Variants in QSER1 observed in about 807,000 individuals in gnomAD.
The protein encoded by QSER1 is glutamine and serine rich 1, also known as glutamine and serine-rich protein 1.
Under a neutral mutation model 158.5 loss-of-function variants are expected in QSER1, and 49 were observed. The ratio of observed to expected loss-of-function variants is 0.31; its 90% CI spans 0.25 to 0.39. The LOEUF is 0.39. QSER1 is among the 10% of genes least tolerant of loss of function. The pLI, the probability that QSER1 is intolerant of heterozygous loss-of-function variation, is 1.00. For synonymous variants in QSER1, 650 were observed against 715.5 expected (o/e 0.91, Z 1.46); for missense variants, 1,754 against 2,010.3 (o/e 0.87, Z 2.44).
intron 1 of QSER1, among the ~76,000 whole-genome samples, chr11:32,910,140 C>T (rs1851747978): frequency 6.6e-6 from 1 of 152,184 alleles, no homozygotes; most frequent in Non-Finnish European, 1.5e-5. Context: ...AGACTCTTCC[C>T]ACTTCAGGCC....
At chr11:32,898,516 AC>A (rs1851585011) in intron 1 of QSER1, among the ~76,000 whole-genome samples, 9 of 150,142 alleles carry the variant, frequency 6.0e-5, no homozygotes, top group Admixed American at 1.3e-4. Context: ...ACACACACAC[AC>A]ACACACACAC....
At chr11:32,972,782 C>A (rs1049312855) in intron 10 of QSER1, among the ~76,000 whole-genome samples, 6 of 152,088 alleles carry the variant, frequency 3.9e-5, no homozygotes, top group Non-Finnish European at 7.4e-5. Flanking sequence ...TGCCACATAA[C>A]CACTGTCAAA....
At chr11:32,966,072 T>C (rs887633135) in intron 8 of QSER1, among the ~76,000 whole-genome samples, 4 of 152,002 alleles carry the variant, frequency 2.6e-5, no homozygotes, top group Non-Finnish European at 5.9e-5. Context: ...GATTCTGTTT[T>C]AGGAAGTCCA....
intron 1 of QSER1, among the ~76,000 whole-genome samples, chr11:32,912,423 G>A (rs991294383): frequency 6.6e-6 from 1 of 151,956 alleles, no homozygotes; most frequent in East Asian, 1.9e-4. Context: ...CTCTCTTTAA[G>A]GTTTGTTCTG....
At position 32,958,191 on chromosome 11, in the gene QSER1, TTATC is replaced by T. The variant is rs1852558307; in HGVS notation, c.4969+108_4969+111del. 29 of 901,920 alleles carry T rather than the reference TTATC, an allele frequency of 3.2e-5. No individual in the cohort carries two copies. The South Asian group carries it at 4.9e-4, about 15-fold the overall frequency. The allele number at this position is 901,920 out of a possible 1,614,324, so 55.9% of individuals were successfully genotyped here. A position where few individuals can be genotyped will look rare whatever the true frequency, so the allele number is the denominator to read the frequency against. On this transcript the variant is annotated intron_variant, in intron 8 of 12. Transcript: ENST00000650167. ...AAAATGTATTTACTTTTCAGGGAAT[TTATC>T]TACCTAATAAATTCTGTTTAGGTTT...
chr11:32,969,505 C>T (rs1253477742), intron 10 of QSER1, among the ~76,000 whole-genome samples: 3 of 151,858 alleles, frequency 2.0e-5, no homozygotes, highest in Non-Finnish European at 4.4e-5. Context: ...TCAGAGGAAA[C>T]GCTGATTTTT....
At chr11:32,913,303 G>A (rs1469342637) in intron 1 of QSER1, among the ~76,000 whole-genome samples, 1 of 146,578 alleles carries the variant, frequency 6.8e-6, no homozygotes, top group Admixed American at 7.2e-5. Context: ...CCATTCTCCT[G>A]CCTCAGCCTC....
At chr11:32,906,624 G>T (rs1224060107) in intron 1 of QSER1, among the ~76,000 whole-genome samples, 1 of 151,652 alleles carries the variant, frequency 6.6e-6, no homozygotes, top group Non-Finnish European at 1.5e-5. Flanking sequence ...ATTTTCTCAG[G>T]GTGGTCTCAA....
chr11:32,953,996 C>T lies in QSER1; in HGVS notation c.4317C>T (p.Ser1439=). The change falls in exon 5 of 13, where the codon AGC becomes AGT. Residue 1439 remains serine (S), a synonymous_variant. Coordinates refer to ENST00000650167, the MANE Select transcript of QSER1 (RefSeq NM_001076786.3). ...SYAVNILENI[S]SSESSKPIEL... is the part of the protein sequence containing the mutation. ...CAGTAAATATTCTGGAAAATATAAG[C>T]TCTTCAGAATCCTCAAAGCCCATTG... is the stretch of plus-strand genomic sequence containing the variant. 1 of 1,614,034 alleles carries T rather than the reference C, an allele frequency of 6.2e-7. No homozygotes were observed. Among genetic ancestry groups the T allele is most frequent in the Non-Finnish European group, 8.5e-7 (1 of 1,179,930 alleles).
chr11:32,931,280 C>G (rs996830863), intron 3 of QSER1, among the ~76,000 whole-genome samples: 1 of 151,924 alleles, frequency 6.6e-6, no homozygotes, highest in Non-Finnish European at 1.5e-5. Context: ...TTCATTTTTA[C>G]TCTATGAAAA....
chr11:32,965,303 C>T (rs568117131), intron 8 of QSER1, among the ~76,000 whole-genome samples: 130 of 151,396 alleles, frequency 8.6e-4, no homozygotes, highest in African/African-American at 3.0e-3. Flanking sequence ...TTAATTGAAA[C>T]GATGTCCCAC....
In QSER1 at chr11:32,956,131, T is replaced by G. The variant is rs1852506832; in HGVS notation, c.4751+10T>G. On this transcript the variant is annotated intron_variant, in intron 7 of 12. Transcript: ENST00000650167. ...CTTCACAAACTATCAGGTATTTGTTTTCTTAGGTGATATATTTGTGCATAT... is the reference window on the plus strand; with the variant it reads ...CTTCACAAACTATCAGGTATTTGTTGTCTTAGGTGATATATTTGTGCATAT... The G allele has an allele frequency of 1.2e-6, 2 of 1,604,226 alleles. No homozygotes were observed. Among genetic ancestry groups the G allele is most frequent in the Non-Finnish European group, 1.7e-6 (2 of 1,173,016 alleles).
At chr11:32,920,146 G>A (rs925259799) in intron 1 of QSER1, among the ~76,000 whole-genome samples, 1 of 152,152 alleles carries the variant, frequency 6.6e-6, no homozygotes, top group Non-Finnish European at 1.5e-5. Context: ...CTGCTGGAGT[G>A]TCATTGCTTC....
chr11:32,896,240 CA>C (rs1174904559), intron 1 of QSER1, among the ~76,000 whole-genome samples: 1 of 152,114 alleles, frequency 6.6e-6, no homozygotes, highest in Non-Finnish European at 1.5e-5. Flanking sequence ...ATATCTTGGT[CA>C]CAACAGGAAG....
intron 6 of QSER1, among the ~76,000 whole-genome samples, chr11:32,955,786 G>A (rs2133584255): frequency 6.6e-6 from 1 of 152,310 alleles, no homozygotes; most frequent in East Asian, 1.9e-4. Context: ...GTAGCTGGAA[G>A]TAAGAATATG....
chr11:32,943,733 A>T (rs938093201), intron 4 of QSER1, among the ~76,000 whole-genome samples: 3 of 151,934 alleles, frequency 2.0e-5, no homozygotes, highest in Non-Finnish European at 2.9e-5. Context: ...TGGTATCAGA[A>T]TGATGCTGGC....
intron 4 of QSER1, among the ~76,000 whole-genome samples, chr11:32,942,776 AT>A (rs1270349059): frequency 3.2e-4 from 49 of 151,884 alleles, no homozygotes; most frequent in African/African-American, 1.2e-3. Flanking sequence ...GAAGAAAGGC[AT>A]TGGTAGCTTG....
At chr11:32,972,065 A>G (rs555846344) in intron 10 of QSER1, among the ~76,000 whole-genome samples, 1 of 134,178 alleles carries the variant, frequency 7.5e-6, no homozygotes, top group Admixed American at 7.1e-5. Context: ...TCCATCTCAA[A>G]AAAAAAAAAA....
intron 10 of QSER1, among the ~76,000 whole-genome samples, chr11:32,971,830 G>T (rs1054084257): frequency 6.6e-6 from 1 of 152,068 alleles, no homozygotes; most frequent in Admixed American, 6.5e-5. Flanking sequence ...TTGGGAGGCC[G>T]AGGTGGGCGG....
Sources: gnomAD v4.1 joint callset for allele counts (sites outside exome capture counted in the v4.1 genomes callset) on GRCh38, gnomAD v4.1.1 for gene constraint, MANE v1.5 for transcripts, NCBI Gene and HGNC (gene_info 2026-07-23, HGNC 2026-07-21) for gene names.